The following ZNF676 variants were observed in gnomAD, a reference collection of about 807,000 sequenced individuals.
ZNF676 encodes zinc finger protein 676.
ZNF676 carries 4 observed loss-of-function variants against 6.0 expected under a neutral mutation model. The ratio of observed to expected loss-of-function variants is 0.67; its 90% CI spans 0.33 to 1.53. The LOEUF (loss-of-function observed/expected upper bound fraction) is 1.53, where lower values mean the gene tolerates loss of function less well. Ranked by LOEUF, ZNF676 falls within the 40% of genes most tolerant of loss-of-function variation. The pLI is 0.06. For missense variants in ZNF676, 644 were observed against 679.7 expected, an observed-to-expected ratio of 0.95 and a Z score of 0.58; for synonymous variants, 198 against 223.1, an observed-to-expected ratio of 0.89 and a Z score of 1.00.
chr19:22,242,682 A>T, the ZNF676 span, among the ~76,000 whole-genome samples: 1 of 151,960 alleles, frequency 6.6e-6, no homozygotes, highest in African/African-American at 2.4e-5. Context: ...GGGTCTAGCT[A>T]TGTGTCAAAA....
chr19:22,221,953 C>G, the ZNF676 span, among the ~76,000 whole-genome samples: 15 of 151,982 alleles, frequency 9.9e-5, no homozygotes, highest in Admixed American at 9.8e-4. Context: ...GACTTTCTGT[C>G]TTGATGATAT....
At chr19:22,241,749 A>G in the ZNF676 span, among the ~76,000 whole-genome samples, 1 of 151,860 alleles carries the variant, frequency 6.6e-6, no homozygotes, top group African/African-American at 2.4e-5. Context: ...CATCTCTTTA[A>G]TTGACCTGCT....
chr19:22,219,624 T>C (rs924618801), upstream of ZNF676, among the ~76,000 whole-genome samples: 4 of 152,026 alleles, frequency 2.6e-5, no homozygotes, highest in Non-Finnish European at 4.4e-5. Context: ...AACTTTTTCC[T>C]GTTCAGTGTA....
the ZNF676 span, among the ~76,000 whole-genome samples, chr19:22,235,614 T>C: frequency 5.2e-3 from 785 of 152,334 alleles, 6 homozygotes; most frequent in African/African-American, 0.018. Flanking sequence ...TCCTCTGGCA[T>C]GCAAATGTCT....
chr19:22,186,958 A>G (rs1198333869), intron 2 of ZNF676, among the ~76,000 whole-genome samples: 1 of 152,188 alleles, frequency 6.6e-6, no homozygotes, highest in African/African-American at 2.4e-5. Flanking sequence ...CCCACTGTCA[A>G]TATTAGACAG....
At chr19:22,240,755 G>C in the ZNF676 span, among the ~76,000 whole-genome samples, 3 of 151,926 alleles carry the variant, frequency 2.0e-5, no homozygotes, top group African/African-American at 7.3e-5. Context: ...TCATGCTACT[G>C]CACTCCAGCC....
intron 2 of ZNF676, 129 bp downstream of exon 2, chr19:22,192,887 A>T (rs910445308): frequency 9.5e-7 from 1 of 1,054,968 alleles, no homozygotes; most frequent in African/African-American, 1.7e-5. Context: ...AAATTAAAAA[A>T]TAAAAATAAA....
chr19:22,196,790 T>C lies in ZNF676; in HGVS notation c.-157A>G. The C allele has an allele frequency of 1.4e-6, 2 of 1,389,520 alleles. No homozygotes were observed. The highest frequency in any genetic ancestry group is 1.2e-5 in the South Asian group (1 of 81,382). The allele number at this position is 1,389,520 out of a possible 1,614,324, so 86.1% of individuals were successfully genotyped here. On this transcript the variant is annotated 5_prime_UTR_variant, in exon 1 of 3. The change abolishes the stop of an existing upstream ORF in the 5' untranslated region. Transcript: ENST00000397121. ...TCATGGGCAGAACTTTTAATGTGAC[T>C]CAAGGTAAAATGGAGAGAGTAGAGA...
the ZNF676 span, among the ~76,000 whole-genome samples, chr19:22,241,230 G>C: frequency 2.6e-5 from 4 of 152,098 alleles, no homozygotes; most frequent in East Asian, 7.7e-4. Flanking sequence ...GGATGATCCT[G>C]AAATGAAATT....
the ZNF676 span, among the ~76,000 whole-genome samples, chr19:22,229,903 G>C: frequency 2.6e-5 from 4 of 152,152 alleles, no homozygotes; most frequent in Non-Finnish European, 5.9e-5. Flanking sequence ...GTTGGGGGGA[G>C]TGTAAATCAG....
At chr19:22,235,036 A>AAAGAAAG in the ZNF676 span, among the ~76,000 whole-genome samples, 1 of 149,078 alleles carries the variant, frequency 6.7e-6, no homozygotes, top group African/African-American at 2.5e-5. Context: ...AAGAAAGAAA[A>AAAGAAAG]GAAAAGAAGG....
chr19:22,253,368 G>A, the ZNF676 span, among the ~76,000 whole-genome samples: 1,288 of 58,540 alleles, frequency 0.022, 41 homozygotes, highest in Admixed American at 0.055. Context: ...GTGTGTGTGT[G>A]TGTGTATATA....
intron 2 of ZNF676, among the ~76,000 whole-genome samples, chr19:22,186,695 A>G (rs918212105): frequency 1.1e-4 from 16 of 152,322 alleles, no homozygotes; most frequent in African/African-American, 3.6e-4. Context: ...AATATTTACC[A>G]AGCAAATGGA....
At position 22,181,106 on chromosome 19, in the gene ZNF676, T is replaced by A. The variant is rs1166530374; in HGVS notation, c.611A>T (p.Lys204Ile). 6.2e-7 allele frequency: 1 copy of A among 1,612,834 alleles called. No homozygotes were observed. Among genetic ancestry groups the A allele is most frequent in the Non-Finnish European group, 8.5e-7 (1 of 1,179,474 alleles). ...EKPYKCEECGKAFSKFSILTK... is the reference protein window; with the variant it reads ...EKPYKCEECGIAFSKFSILTK... ...AAGGATTGAGAACTTACTAAAGGCT[T>A]TGCCACATTCTTCACATTTGTAGGG... The change falls in exon 3 of 3, where the codon AAA (lysine) becomes ATA (isoleucine). Residue 204 changes from lysine to isoleucine, a missense_variant. By Grantham distance (102) the Lys-to-Ile change is moderately radical. This residue lies in a region of ZNF676 where 280 missense variants were observed against 269.3 expected (regional missense o/e 1.04). Transcript: ENST00000397121.
chr19:22,228,018 AT>A, the ZNF676 span, among the ~76,000 whole-genome samples: 1 of 152,224 alleles, frequency 6.6e-6, no homozygotes, highest in Admixed American at 6.5e-5. Context: ...GGCCAGCATC[AT>A]CCTGATACCA....
chr19:22,182,583 T>A (rs2023771593), intron 2 of ZNF676, among the ~76,000 whole-genome samples: 2 of 27,406 alleles, frequency 7.3e-5, no homozygotes, highest in Non-Finnish European at 5.9e-5. Context: ...TAGTCAAAGT[T>A]CTAAAAAAAA....
At chr19:22,234,099 C>T in the ZNF676 span, among the ~76,000 whole-genome samples, 1 of 152,238 alleles carries the variant, frequency 6.6e-6, no homozygotes, top group African/African-American at 2.4e-5. Context: ...AAGTGCACAA[C>T]CAGGTGCACT....
In ZNF676 at chr19:22,181,886, C is replaced by T. The variant is rs528709026; in HGVS notation, c.131-300G>A. Among the ~76,000 whole-genome samples, 28 of 151,322 alleles carry T rather than the reference C, an allele frequency of 1.9e-4. 1 individual carries two copies. In the East Asian group the frequency reaches 4.3e-3, roughly 23 times the overall value. Reference sequence around the variant, plus strand: ...ACCCAATACAACTCTTTCTGCTCCTCAATATTACCTAGTCCCTTCAGAAGC... The same window carrying T: ...ACCCAATACAACTCTTTCTGCTCCTTAATATTACCTAGTCCCTTCAGAAGC... On this transcript the variant is annotated intron_variant, in intron 2 of 2. Transcript: ENST00000397121.
At chr19:22,215,498 G>T in intron 1 of ZNF676, 2 of 1,023,538 alleles carry the variant, frequency 2.0e-6, no homozygotes, top group Non-Finnish European at 2.9e-6. Context: ...TGGCTGAAGG[G>T]GACTGAGGTC....
Sources: gnomAD v4.1 joint callset for allele counts (sites outside exome capture counted in the v4.1 genomes callset) on GRCh38, gnomAD v4.1.1 for gene constraint, gnomAD v4.1.1 regional missense constraint, MANE v1.5 for transcripts, NCBI Gene and HGNC (gene_info 2026-07-23, HGNC 2026-07-21) for gene names.